The following CCDC144A variants were observed in gnomAD, a reference collection of about 807,000 sequenced individuals.
The protein encoded by CCDC144A is coiled-coil domain containing 144A.
CCDC144A carries 41 observed loss-of-function variants against 143.8 expected under a neutral mutation model. The ratio of observed to expected loss-of-function variants is 0.29; its 90% confidence interval spans 0.22 to 0.37. The LOEUF is 0.37. Ranked by LOEUF, CCDC144A falls within the 10% of genes least tolerant of loss-of-function variation. CCDC144A has a pLI of 1.00. For missense variants in CCDC144A, 637 were observed against 1,488.8 expected (o/e 0.43, Z 9.41); for synonymous variants, 242 against 517.9 (o/e 0.47, Z 7.23).
At chr17:16,713,873 T>C (rs1912591056) in intron 6 of CCDC144A, among the ~76,000 whole-genome samples, 1 of 152,022 alleles carries the variant, frequency 6.6e-6, no homozygotes, top group South Asian at 2.1e-4. Flanking sequence ...CTTGAAAGAG[T>C]GGTATATACT....
intron 2 of CCDC144A, among the ~76,000 whole-genome samples, chr17:16,703,700 A>C (rs1911867686): frequency 6.6e-6 from 1 of 151,962 alleles, no homozygotes; most frequent in South Asian, 2.1e-4. Flanking sequence ...GCTACTCGGG[A>C]CGCTGAGGCA....
chr17:16,755,618 G>C (rs1369632088), intron 12 of CCDC144A, among the ~76,000 whole-genome samples: 3 of 152,198 alleles, frequency 2.0e-5, no homozygotes, highest in African/African-American at 7.2e-5. Context: ...GGAGTTCAGT[G>C]GCATGATCTC....
the CCDC144A span, chr17:16,683,379 C>G: frequency 1.5e-6 from 1 of 674,624 alleles, no homozygotes; most frequent in Non-Finnish European, 2.5e-6. Context: ...GGACAACTCT[C>G]TTTGTAAAAT....
At chr17:16,744,607 C>T (rs1160652492) in intron 12 of CCDC144A, among the ~76,000 whole-genome samples, 1 of 151,950 alleles carries the variant, frequency 6.6e-6, no homozygotes, top group African/African-American at 2.4e-5. Flanking sequence ...GATATTAGAA[C>T]TTTGTTCAAT....
chr17:16,687,335 T>C (rs1597519502), upstream of CCDC144A, among the ~76,000 whole-genome samples: 1 of 152,312 alleles, frequency 6.6e-6, no homozygotes, highest in Non-Finnish European at 1.5e-5. Context: ...CCTTGTCTGA[T>C]GGTAGCCCAT....
chr17:16,676,498 G>A, the CCDC144A span, among the ~76,000 whole-genome samples: 25 of 150,062 alleles, frequency 1.7e-4, no homozygotes, highest in East Asian at 7.7e-4. Context: ...GTGACAGAGC[G>A]GGACTCCGTC....
At chr17:16,746,829 C>G in intron 12 of CCDC144A, 1 of 1,117,986 alleles carries the variant, frequency 8.9e-7, no homozygotes, top group Non-Finnish European at 1.3e-6. Flanking sequence ...GCACCGCGTA[C>G]CGCGCTGGGA....
chr17:16,682,202 G>GGTGT, the CCDC144A span, among the ~76,000 whole-genome samples: 444 of 145,334 alleles, frequency 3.1e-3, 4 homozygotes, highest in African/African-American at 7.3e-3. Flanking sequence ...TCTGAAAATG[G>GGTGT]GTGTGTGTGT....
intron 12 of CCDC144A, among the ~76,000 whole-genome samples, chr17:16,758,455 G>A (rs867862053): frequency 3.9e-5 from 6 of 152,212 alleles, no homozygotes; most frequent in Non-Finnish European, 8.8e-5. Context: ...ACACAAAGAC[G>A]TAAGAACTAA....
intron 2 of CCDC144A, among the ~76,000 whole-genome samples, chr17:16,700,337 T>C (rs1310985619): frequency 2.6e-5 from 4 of 152,158 alleles, no homozygotes; most frequent in Non-Finnish European, 4.4e-5. Context: ...AGCACCCATG[T>C]TTTCGATGGA....
chr17:16,758,401 G>A (rs1208699752), intron 12 of CCDC144A, among the ~76,000 whole-genome samples: 1 of 152,196 alleles, frequency 6.6e-6, no homozygotes, highest in African/African-American at 2.4e-5. Flanking sequence ...TGCACCCTGG[G>A]TTGTGGTTTC....
intron 11 of CCDC144A, among the ~76,000 whole-genome samples, chr17:16,733,461 G>A (rs1380061495): frequency 1.3e-5 from 2 of 148,982 alleles, no homozygotes; most frequent in South Asian, 2.1e-4. Context: ...CCAAAATTGG[G>A]CCACTGCCCT....
chr17:16,668,824 GGT>G, the CCDC144A span, among the ~76,000 whole-genome samples: 1 of 152,106 alleles, frequency 6.6e-6, no homozygotes, highest in African/African-American at 2.4e-5. Context: ...TGGCTGATTT[GGT>G]TCTTGAACAG....
chr17:16,679,322 T>A, the CCDC144A span, among the ~76,000 whole-genome samples: 2 of 152,150 alleles, frequency 1.3e-5, no homozygotes, highest in Non-Finnish European at 2.9e-5. Flanking sequence ...CTAAGGGACT[T>A]ATTTCACTTC....
chr17:16,764,450 C>T, intron 15 of CCDC144A: 1 of 402,226 alleles, frequency 2.5e-6, no homozygotes, highest in South Asian at 2.4e-5. Flanking sequence ...AGATTTTAAC[C>T]AAAGGTTTAC....
intron 12 of CCDC144A, chr17:16,745,884 C>T (rs1196635226): frequency 2.5e-6 from 4 of 1,594,532 alleles, no homozygotes; most frequent in Non-Finnish European, 3.4e-6. Flanking sequence ...TCTGTCTTGG[C>T]CAGGTCCTTT....
intron 12 of CCDC144A, among the ~76,000 whole-genome samples, chr17:16,742,344 G>A: frequency 6.6e-6 from 1 of 152,038 alleles, no homozygotes; most frequent in Non-Finnish European, 1.5e-5. Flanking sequence ...ATTTCACTTA[G>A]TGTCACTTAA....
At chr17:16,710,143 C>T (rs543233075) in intron 5 of CCDC144A, 3 of 178,648 alleles carry the variant, frequency 1.7e-5, no homozygotes, top group South Asian at 1.2e-4. Flanking sequence ...CATTCTGGGC[C>T]GTAGTGTGCT....
intron 12 of CCDC144A, among the ~76,000 whole-genome samples, chr17:16,758,106 C>T (rs1208425787): frequency 6.6e-6 from 1 of 152,228 alleles, no homozygotes; most frequent in Non-Finnish European, 1.5e-5. Context: ...TCGATGATGT[C>T]TCTGTCTATG....
Sources: allele counts gnomAD v4.1 joint callset (sites outside exome capture counted in the v4.1 genomes callset), GRCh38; gene constraint gnomAD v4.1.1; transcripts MANE v1.5; gene names NCBI Gene and HGNC (gene_info 2026-07-23, HGNC 2026-07-21).